Variants in DLGAP2 observed in about 807,000 individuals in gnomAD.
DLGAP2 encodes disks large-associated protein 2.
Under a neutral mutation model 100.3 loss-of-function variants are expected in DLGAP2, and 26 were observed. The observed-to-expected ratio is 0.26, with a 90% CI of 0.19 to 0.36. DLGAP2 has a LOEUF of 0.36. Among genes scored for constraint, DLGAP2 ranks in the 10% least tolerant of loss-of-function variants. The probability of loss-of-function intolerance (pLI) is 1.00; values close to 1 mark genes in which losing one functional copy is unlikely to be tolerated. For synonymous variants in DLGAP2, 886 were observed against 630.1 expected (o/e 1.41, Z -6.08); for missense variants, 1,858 against 1,453.2 (o/e 1.28, Z -4.53).
rs556966649 is a variant in DLGAP2 at position 1,513,090 on chromosome 8, G to T, written c.172+11659G>T. Among the ~76,000 whole-genome samples, 92 of 151,672 alleles carry T rather than the reference G, an allele frequency of 6.1e-4. 1 individual carries two copies. The highest frequency in any genetic ancestry group is 8.0e-4 in the Non-Finnish European group (54 of 67,812). ...GGGATAAGCATCTGCCTTTCCCAGTGCAGGGCAAGACGGGAGAGGCCACAG... is the reference window on the plus strand; with the variant it reads ...GGGATAAGCATCTGCCTTTCCCAGTTCAGGGCAAGACGGGAGAGGCCACAG... On this transcript the variant is annotated intron_variant, in intron 4 of 14. Transcript: ENST00000637795.
chr8:1,459,278 G>C lies in DLGAP2; in HGVS notation c.107-42088G>C, dbSNP rs200668459. 1.4e-3 allele frequency among the ~76,000 whole-genome samples: 56 copies of C among 38,686 alleles called. 3 individuals are homozygous for C. In the East Asian group the frequency reaches 0.017, roughly 12 times the overall value. The allele number at this position is 38,686 out of a possible 152,430, so 25.4% of individuals were successfully genotyped here. The stretch of plus-strand genomic sequence containing the variant: ...CCAGCTGGTTTACATGCATATACCT[G>C]AGGTGTCACCCTACAAGACCAGCGT... On this transcript the variant is annotated intron_variant, in intron 3 of 14. Transcript: ENST00000637795.
intron 3 of DLGAP2, among the ~76,000 whole-genome samples, chr8:1,500,528 C>T (rs935928450): frequency 1.3e-5 from 2 of 152,272 alleles, no homozygotes; most frequent in Non-Finnish European, 2.9e-5. Flanking sequence ...GAAACCAAGG[C>T]AGCCTGGAGA....
chr8:1,312,083 C>G (rs939528785), intron 3 of DLGAP2, among the ~76,000 whole-genome samples: 2 of 152,202 alleles, frequency 1.3e-5, no homozygotes, highest in African/African-American at 4.8e-5. Context: ...GCTACTTCAT[C>G]CAACAGCAGC....
At chr8:1,085,621 G>A (rs1334888366) in intron 2 of DLGAP2, among the ~76,000 whole-genome samples, 2 of 152,128 alleles carry the variant, frequency 1.3e-5, no homozygotes, top group African/African-American at 2.4e-5. Flanking sequence ...TGTTCCATTC[G>A]TTGATGTGCA....
intron 2 of DLGAP2, among the ~76,000 whole-genome samples, chr8:1,134,477 G>T (rs1675625369): frequency 2.0e-5 from 3 of 150,514 alleles, no homozygotes; most frequent in Non-Finnish European, 2.9e-5. Context: ...CTTTTTTTCT[G>T]CCACCTTGTA....
At chr8:1,183,417 T>G (rs1797433164) in intron 2 of DLGAP2, among the ~76,000 whole-genome samples, 1 of 152,262 alleles carries the variant, frequency 6.6e-6, no homozygotes, top group African/African-American at 2.4e-5. Flanking sequence ...TATTGATATT[T>G]GATCTAGTTA....
intron 3 of DLGAP2, among the ~76,000 whole-genome samples, chr8:1,442,277 A>G (rs77651429): frequency 0.017 from 707 of 41,576 alleles, 10 homozygotes; most frequent in Admixed American, 0.032. Flanking sequence ...GCCACTGGAG[A>G]AGGAGATGGA....
At chr8:1,553,243 G>A (rs1015269180) in intron 5 of DLGAP2, among the ~76,000 whole-genome samples, 3 of 152,104 alleles carry the variant, frequency 2.0e-5, no homozygotes, top group Non-Finnish European at 2.9e-5. Flanking sequence ...GTCTCCCACC[G>A]CGTCCTGCGC....
intron 2 of DLGAP2, among the ~76,000 whole-genome samples, chr8:1,199,690 T>C (rs745782628): frequency 6.6e-5 from 10 of 152,120 alleles, no homozygotes; most frequent in Non-Finnish European, 1.2e-4. Flanking sequence ...GAGAGTCTTA[T>C]GGGTATTTGC....
intron 3 of DLGAP2, among the ~76,000 whole-genome samples, chr8:1,305,998 C>T (rs1287984096): frequency 6.8e-6 from 1 of 146,672 alleles, no homozygotes; most frequent in Admixed American, 7.1e-5. Context: ...AGATATTTTG[C>T]TGAATTCCTT....
At chr8:839,045 A>C (rs1463541202) in intron 1 of DLGAP2, among the ~76,000 whole-genome samples, 4 of 152,210 alleles carry the variant, frequency 2.6e-5, no homozygotes. Context: ...ATATCACCTC[A>C]CACCTGTTAG....
intron 2 of DLGAP2, among the ~76,000 whole-genome samples, chr8:1,256,862 A>C (rs1382045311): frequency 3.3e-5 from 5 of 152,062 alleles, no homozygotes; most frequent in Non-Finnish European, 7.4e-5. Flanking sequence ...TCCCCTGGGT[A>C]ACAGGAGCCC....
chr8:884,196 G>A (rs565858011), intron 1 of DLGAP2, among the ~76,000 whole-genome samples: 1 of 152,294 alleles, frequency 6.6e-6, no homozygotes, highest in East Asian at 1.9e-4. Flanking sequence ...TCTAGTTCTG[G>A]AACCTTGAGG....
chr8:1,652,394 G>A (rs1292758795), intron 8 of DLGAP2, among the ~76,000 whole-genome samples: 1 of 152,172 alleles, frequency 6.6e-6, no homozygotes, highest in Non-Finnish European at 1.5e-5. Flanking sequence ...CTAGAACAGT[G>A]CTTGGCACAT....
At chr8:1,225,542 A>G (rs373440236) in intron 2 of DLGAP2, among the ~76,000 whole-genome samples, 17 of 152,350 alleles carry the variant, frequency 1.1e-4, no homozygotes, top group African/African-American at 3.1e-4. Flanking sequence ...AAATGCCACT[A>G]CATGGATCCC....
intron 3 of DLGAP2, among the ~76,000 whole-genome samples, chr8:1,422,410 G>C (rs147627399): frequency 1.5e-3 from 232 of 152,258 alleles, no homozygotes; most frequent in African/African-American, 5.3e-3. Flanking sequence ...TGTATATGTA[G>C]GGAGAAAAGC....
intron 1 of DLGAP2, among the ~76,000 whole-genome samples, chr8:802,793 C>T (rs1796197899): frequency 6.6e-6 from 1 of 152,190 alleles, no homozygotes; most frequent in South Asian, 2.1e-4. Context: ...GTCCCAAGTA[C>T]CCGTTTTCAC....
chr8:949,668 G>A (rs1386738234), intron 2 of DLGAP2, among the ~76,000 whole-genome samples: 1 of 152,192 alleles, frequency 6.6e-6, no homozygotes, highest in African/African-American at 2.4e-5. Context: ...TCTCCTACAT[G>A]TCCTCGTTCC....
At chr8:890,797 C>T (rs892791596) in intron 1 of DLGAP2, among the ~76,000 whole-genome samples, 35 of 152,106 alleles carry the variant, frequency 2.3e-4, no homozygotes, top group African/African-American at 8.0e-4. Context: ...CCTTTGCAAA[C>T]CTCCCCTCTG....
Sources: gnomAD v4.1 joint callset for allele counts (sites outside exome capture counted in the v4.1 genomes callset) on GRCh38, gnomAD v4.1.1 for gene constraint, MANE v1.5 for transcripts, NCBI Gene and HGNC (gene_info 2026-07-23, HGNC 2026-07-21) for gene names.